TAF4: variants seen among roughly 807,000 people sequenced by gnomAD.
TAF4 encodes transcription initiation factor TFIID subunit 4.
In TAF4, 9 loss-of-function variants were observed where a neutral mutation model predicts 90.3. That is an observed-to-expected ratio of 0.10 (90% CI 0.06 to 0.17). The LOEUF (loss-of-function observed/expected upper bound fraction) is 0.17, where lower values mean the gene tolerates loss of function less well. Ranked by LOEUF, TAF4 falls within the 10% of genes least tolerant of loss-of-function variation. The pLI is 1.00. For synonymous variants in TAF4, 818 were observed against 638.9 expected (o/e 1.28, Z -4.23); for missense variants, 1,351 against 1,370.7 (o/e 0.99, Z 0.23).
At chr20:61,997,306 C>T (rs977495250) in intron 14 of TAF4, among the ~76,000 whole-genome samples, 2 of 152,208 alleles carry the variant, frequency 1.3e-5, no homozygotes, top group Non-Finnish European at 2.9e-5. Context: ...TCAAATCCAG[C>T]CTAAACCTCA....
rs538324202 is a variant in TAF4 at position 62,036,189 on chromosome 20, AATT to A, written c.1361-21485_1361-21483del. Among the ~76,000 whole-genome samples the A allele has an allele frequency of 7.2e-5, 11 of 152,226 alleles. 1 individual carries two copies. In the South Asian group the frequency reaches 1.9e-3, roughly 26 times the overall value. On this transcript the variant is annotated intron_variant, in intron 1 of 14. Transcript: ENST00000252996. Reference sequence around the variant, plus strand: ...CAGGTACCCGCCATCACAACCGGCTAATTTTTTGTATTTTTAGTAGAGATGGAG... The same window carrying A: ...CAGGTACCCGCCATCACAACCGGCTATTTTGTATTTTTAGTAGAGATGGAG...
At chr20:61,981,025 T>A (rs1311984840) in intron 14 of TAF4, 1 of 152,438 alleles carries the variant, frequency 6.6e-6, no homozygotes, top group Non-Finnish European at 1.5e-5. Context: ...AGAGGAGCCC[T>A]TTGGCCACTG....
rs765776847 is a variant in TAF4 at position 61,998,123 on chromosome 20, T to C, written c.2970+13A>G. ...CAAAGTGCCCACGAGCACTCACGAC[T>C]AACAGGGCTCACCTCCTTTGCCTTC... On this transcript the variant is annotated intron_variant, in intron 13 of 14. Coordinates refer to ENST00000252996, the MANE Select transcript of TAF4 (RefSeq NM_003185.4). 6.2e-7 allele frequency: 1 copy of C among 1,613,920 alleles called. No individual in the cohort carries two copies. The highest frequency in any genetic ancestry group is 1.1e-5 in the South Asian group (1 of 90,996).
chr20:62,064,296 G>T (rs2056108231), intron 1 of TAF4, 155 bp downstream of exon 1: 2 of 870,336 alleles, frequency 2.3e-6, no homozygotes, highest in Non-Finnish European at 3.1e-6. Context: ...ACCCGGGCTG[G>T]CCCCGCACCT....
chr20:61,991,437 T>TA (rs1174941800), intron 14 of TAF4, among the ~76,000 whole-genome samples: 4 of 137,150 alleles, frequency 2.9e-5, no homozygotes, highest in South Asian at 4.6e-4. Context: ...AAATAAAAAT[T>TA]AAAAAAAAAG....
intron 9 of TAF4, 86 bp from the exon 10 acceptor site, chr20:62,000,807 GT>G (rs1303187944): frequency 3.4e-6 from 5 of 1,471,508 alleles, no homozygotes; most frequent in Non-Finnish European, 4.7e-6. Context: ...GAAACCCCAC[GT>G]GGAAGGCAGG....
intron 1 of TAF4, among the ~76,000 whole-genome samples, chr20:62,063,882 A>G (rs1455239154): frequency 6.6e-6 from 1 of 152,242 alleles, no homozygotes; most frequent in Non-Finnish European, 1.5e-5. Flanking sequence ...CCTTCCATCC[A>G]GAGTTCCCGA....
Position 62,010,082 on chromosome 20 carries a change from C to T in TAF4, c.1725G>A (p.Thr575=), listed in dbSNP as rs771858376. 180 of 1,613,534 alleles carry T rather than the reference C, an allele frequency of 1.1e-4. No homozygotes were observed. The Middle Eastern group carries it at 1.6e-3, about 15-fold the overall frequency. ...TAVQTGTPQR[T]VPGATTTSSA... ...AGGAAGTGGTGGTCGCCCCTGGTAC[C>T]GTGCGCTGAGGAGTCCCCGTCTGAA... The change falls in exon 4 of 15, where the codon ACG becomes ACA. Residue 575 remains threonine (T), a synonymous_variant. Transcript: ENST00000252996. The surrounding 1 kb of genome is among the most constrained non-coding windows in gnomAD (Gnocchi z 4.5).
In TAF4 at chr20:62,065,291, G is replaced by C; in HGVS notation, c.520C>G (p.Pro174Ala). The C allele has an allele frequency of 1.1e-6, 1 of 921,182 alleles. No homozygotes were observed. The highest frequency in any genetic ancestry group is 1.3e-6 in the Non-Finnish European group (1 of 780,130). The allele number at this position is 921,182 out of a possible 1,614,324, so 57.1% of individuals were successfully genotyped here. ...AALAARAGPG[P>A]GPGPGPGPGP... ...GGGCCGGGGCCGGGGCCGGGCCCGG[G>C]GCCGGGGCCGGCGCGGGCGGCCAGC... The change falls in exon 1 of 15, where the codon CCC becomes GCC. Residue 174 changes from proline to alanine, a missense_variant. This residue lies in a region of TAF4 where 782 missense variants were observed against 536.6 expected (regional missense o/e 1.46). Coordinates refer to ENST00000252996, the MANE Select transcript of TAF4 (RefSeq NM_003185.4).
chr20:62,059,494 G>A (rs1312617339), intron 1 of TAF4, among the ~76,000 whole-genome samples: 3 of 152,188 alleles, frequency 2.0e-5, no homozygotes, highest in Non-Finnish European at 4.4e-5. Flanking sequence ...AGCTGTGTAC[G>A]TGTTTGCAGC....
chr20:62,023,678 G>A (rs1027678346), intron 1 of TAF4, among the ~76,000 whole-genome samples: 15 of 147,304 alleles, frequency 1.0e-4, no homozygotes, highest in Non-Finnish European at 1.5e-4. Context: ...AAGCCGGGAG[G>A]TGGAGGTTGC....
intron 1 of TAF4, 37 bp downstream of exon 1, chr20:62,064,414 G>A (rs771324556): frequency 2.3e-6 from 3 of 1,283,666 alleles, no homozygotes; most frequent in Non-Finnish European, 2.0e-6. Flanking sequence ...GCGCTGCTGG[G>A]AGCCGCCCTT....
chr20:62,005,872 C>G (rs1262906530), intron 7 of TAF4: 1 of 152,178 alleles, frequency 6.6e-6, no homozygotes, highest in African/African-American at 2.4e-5. Flanking sequence ...AAGAAAACAC[C>G]TCTGAAATTT....
intron 1 of TAF4, among the ~76,000 whole-genome samples, chr20:62,061,979 C>A (rs1263044974): frequency 6.6e-6 from 1 of 152,144 alleles, no homozygotes; most frequent in East Asian, 1.9e-4. Flanking sequence ...AACCTCTGTC[C>A]CCTCCCTTCT....
intron 1 of TAF4, among the ~76,000 whole-genome samples, chr20:62,050,728 C>T (rs892768468): frequency 6.6e-6 from 1 of 152,200 alleles, no homozygotes; most frequent in Non-Finnish European, 1.5e-5. Context: ...AGGCATCACC[C>T]AGAGCCACCT....
In TAF4 at chr20:62,014,555, T is replaced by C; in HGVS notation, c.1513A>G (p.Thr505Ala). The change falls in exon 2 of 15, where the codon ACC becomes GCC. Residue 505 changes from threonine to alanine, a missense_variant. Physicochemically the swap from Thr to Ala is moderately conservative, Grantham distance 58 (BLOSUM62 0). This residue lies in a region of TAF4 where 143 missense variants were observed against 176.3 expected (regional missense o/e 0.81). Coordinates refer to ENST00000252996, the MANE Select transcript of TAF4 (RefSeq NM_003185.4). ...PTSAPPVQIS[T>A]VQAPGTPIIA... The stretch of plus-strand genomic sequence containing the variant: ...GGCACACGTGCACTCACCTGTACGG[T>C]GGAGATCTGGACGGGAGGGGCACTT... The C allele has an allele frequency of 5.0e-6, 8 of 1,612,730 alleles. No homozygotes were observed. The highest frequency in any genetic ancestry group is 6.8e-6 in the Non-Finnish European group (8 of 1,179,520).
chr20:61,994,925 A>G (rs1027595183), intron 14 of TAF4, among the ~76,000 whole-genome samples: 2 of 152,210 alleles, frequency 1.3e-5, no homozygotes, highest in Non-Finnish European at 2.9e-5. Flanking sequence ...ATCACACCCT[A>G]GAGTAAGACC....
intron 1 of TAF4, among the ~76,000 whole-genome samples, chr20:62,043,876 G>A (rs745474383): frequency 2.6e-5 from 4 of 152,160 alleles, no homozygotes; most frequent in Non-Finnish European, 4.4e-5. Context: ...TAAGTGGCGC[G>A]CGACTGTACC....
chr20:62,063,599 T>A (rs2056102663), intron 1 of TAF4, among the ~76,000 whole-genome samples: 1 of 151,934 alleles, frequency 6.6e-6, no homozygotes, highest in Admixed American at 6.5e-5. Flanking sequence ...GCCCCAGGCA[T>A]CCGCAGCATA....
Sources: gnomAD v4.1 joint callset for allele counts (sites outside exome capture counted in the v4.1 genomes callset) on GRCh38, gnomAD v4.1.1 for gene constraint, gnomAD v4.1.1 regional missense constraint, Gnocchi (gnomAD v3.1) non-coding constraint, MANE v1.5 for transcripts, NCBI Gene and HGNC (gene_info 2026-07-23, HGNC 2026-07-21) for gene names.